ASIC2: variants seen among roughly 807,000 people sequenced by gnomAD.
ASIC2 encodes the protein acid sensing ion channel subunit 2.
Under a neutral mutation model 57.3 loss-of-function variants are expected in ASIC2, and 25 were observed. The ratio of observed to expected loss-of-function variants is 0.44; its 90% confidence interval spans 0.32 to 0.61. The LOEUF is 0.61. ASIC2 is among the 20% of genes least tolerant of loss of function. ASIC2 has a pLI of 0.06. For synonymous variants in ASIC2, 319 were observed against 307.5 expected (o/e 1.04, Z -0.39); for missense variants, 641 against 738.1 (o/e 0.87, Z 1.52).
At chr17:33,420,714 A>G (rs933849604) in intron 1 of ASIC2, among the ~76,000 whole-genome samples, 1 of 152,176 alleles carries the variant, frequency 6.6e-6, no homozygotes, top group Non-Finnish European at 1.5e-5. Flanking sequence ...GCATTTGCCT[A>G]TTTCCAAGGG....
intron 1 of ASIC2, among the ~76,000 whole-genome samples, chr17:33,388,312 A>T (rs545830470): frequency 2.6e-5 from 4 of 152,238 alleles, no homozygotes; most frequent in African/African-American, 9.6e-5. Flanking sequence ...AGTAATACGT[A>T]TTTTGGACTT....
At chr17:33,951,165 A>T (rs939441488) in intron 1 of ASIC2, among the ~76,000 whole-genome samples, 2 of 152,238 alleles carry the variant, frequency 1.3e-5, no homozygotes, top group African/African-American at 4.8e-5. Context: ...TAATAACAAC[A>T]GGTATCATTT....
chr17:33,683,419 T>C (rs963377013), intron 1 of ASIC2, among the ~76,000 whole-genome samples: 1 of 152,248 alleles, frequency 6.6e-6, no homozygotes, highest in Non-Finnish European at 1.5e-5. Context: ...TCACCCAGGC[T>C]GGAGCACAGT....
At chr17:33,182,312 G>T (rs973087647) in intron 1 of ASIC2, among the ~76,000 whole-genome samples, 1 of 152,164 alleles carries the variant, frequency 6.6e-6, no homozygotes, top group African/African-American at 2.4e-5. Context: ...CACCTGGAAA[G>T]CTGGGGTTGC....
intron 1 of ASIC2, among the ~76,000 whole-genome samples, chr17:33,987,789 C>T (rs1597963812): frequency 1.3e-5 from 2 of 152,320 alleles, no homozygotes; most frequent in East Asian, 3.9e-4. Context: ...TGCTTTCACT[C>T]ATTCATTTCC....
intron 3 of ASIC2, among the ~76,000 whole-genome samples, chr17:33,059,665 G>GTA (rs2092012711): frequency 6.6e-6 from 1 of 152,142 alleles, no homozygotes; most frequent in African/African-American, 2.4e-5. Flanking sequence ...AGTCCTTTGG[G>GTA]TATATACCCA....
chr17:33,457,457 C>A (rs1166546555), intron 1 of ASIC2, among the ~76,000 whole-genome samples: 1 of 152,192 alleles, frequency 6.6e-6, no homozygotes, highest in Non-Finnish European at 1.5e-5. Flanking sequence ...GACAATTTAT[C>A]ACCAGAGCCA....
At chr17:33,289,248 T>A (rs1290840110) in intron 1 of ASIC2, among the ~76,000 whole-genome samples, 1 of 152,176 alleles carries the variant, frequency 6.6e-6, no homozygotes, top group Admixed American at 6.5e-5. Context: ...ACGCAGGGAC[T>A]CAGAGTACAG....
At chr17:33,538,168 T>G (rs545799558) in intron 1 of ASIC2, among the ~76,000 whole-genome samples, 1 of 152,356 alleles carries the variant, frequency 6.6e-6, no homozygotes, top group South Asian at 2.1e-4. Flanking sequence ...CTGTAAATGA[T>G]CACTCTTTTT....
At chr17:33,928,640 G>A (rs1915871412) in intron 1 of ASIC2, among the ~76,000 whole-genome samples, 1 of 152,164 alleles carries the variant, frequency 6.6e-6, no homozygotes, top group South Asian at 2.1e-4. Flanking sequence ...CTCCGGAGGG[G>A]TGGAGCTTCT....
chr17:33,055,791 T>A (rs2091995634), intron 3 of ASIC2, among the ~76,000 whole-genome samples: 1 of 152,032 alleles, frequency 6.6e-6, no homozygotes. Context: ...ACGGGAATCA[T>A]AAGAAAAGCG....
At chr17:33,200,050 G>C (rs980015534) in intron 1 of ASIC2, among the ~76,000 whole-genome samples, 7 of 152,022 alleles carry the variant, frequency 4.6e-5, no homozygotes, top group Admixed American at 6.5e-5. Flanking sequence ...CCTCTTCCTG[G>C]AATATCTTCC....
chr17:33,276,508 A>T (rs1392578456), intron 1 of ASIC2, among the ~76,000 whole-genome samples: 1 of 152,232 alleles, frequency 6.6e-6, no homozygotes, highest in East Asian at 1.9e-4. Flanking sequence ...TACTGTGATC[A>T]AGCCAGAGGC....
intron 1 of ASIC2, among the ~76,000 whole-genome samples, chr17:34,021,337 A>C (rs1450028710): frequency 1.3e-5 from 2 of 151,966 alleles, no homozygotes; most frequent in African/African-American, 4.8e-5. Context: ...CTAGACTTCA[A>C]TCTCTCTGGA....
At chr17:33,736,738 C>G (rs34509478) in intron 1 of ASIC2, among the ~76,000 whole-genome samples, 2,945 of 152,154 alleles carry the variant, frequency 0.019, 90 homozygotes, top group African/African-American at 0.066. Flanking sequence ...AGGGAGTGAC[C>G]TTTCACACTT....
chr17:33,160,691 A>G (rs1905138202), intron 1 of ASIC2, among the ~76,000 whole-genome samples: 1 of 152,196 alleles, frequency 6.6e-6, no homozygotes, highest in Admixed American at 6.5e-5. Context: ...CCCCTCTGAT[A>G]GGTTCCACCT....
chr17:33,509,888 G>A (rs1172800425), intron 1 of ASIC2, among the ~76,000 whole-genome samples: 2 of 152,224 alleles, frequency 1.3e-5, no homozygotes, highest in African/African-American at 4.8e-5. Flanking sequence ...AGGGGAGAAA[G>A]CACATCTTGT....
intron 1 of ASIC2, among the ~76,000 whole-genome samples, chr17:33,393,701 G>A (rs1909979966): frequency 6.6e-6 from 1 of 152,192 alleles, no homozygotes. Context: ...GGTGATCTAA[G>A]TTATGGCATC....
At chr17:33,516,985 A>G (rs1914591636) in intron 1 of ASIC2, among the ~76,000 whole-genome samples, 1 of 152,212 alleles carries the variant, frequency 6.6e-6, no homozygotes, top group Non-Finnish European at 1.5e-5. Flanking sequence ...GTCTGAGGAC[A>G]TCTTATCCCT....
Sources: allele counts gnomAD v4.1 joint callset (sites outside exome capture counted in the v4.1 genomes callset), GRCh38; gene constraint gnomAD v4.1.1; transcripts MANE v1.5; gene names NCBI Gene and HGNC (gene_info 2026-07-23, HGNC 2026-07-21).